The following NDEL1 variants were observed in gnomAD, a reference collection of about 807,000 sequenced individuals.
NDEL1 encodes nudE neurodevelopment protein 1 like 1.
NDEL1 carries 9 observed loss-of-function variants against 45.7 expected under a neutral mutation model. The observed-to-expected ratio is 0.20, with a 90% CI of 0.12 to 0.34. The LOEUF (loss-of-function observed/expected upper bound fraction) is 0.34. NDEL1 is among the 10% of genes least tolerant of loss of function. The probability of loss-of-function intolerance (pLI) is 1.00; values close to 1 mark genes in which losing one functional copy is unlikely to be tolerated. For synonymous variants in NDEL1, 133 were observed against 158.6 expected (o/e 0.84, Z 1.21); for missense variants, 306 against 406.2 (o/e 0.75, Z 2.12).
downstream of NDEL1, among the ~76,000 whole-genome samples, chr17:8,469,206 C>G (rs973857908): frequency 6.6e-6 from 1 of 152,108 alleles, no homozygotes; most frequent in African/African-American, 2.4e-5. Context: ...TCCTAAGCCC[C>G]TTGTTGATGT....
intron 7 of NDEL1, among the ~76,000 whole-genome samples, chr17:8,457,973 T>G (rs1359263560): frequency 1.3e-5 from 2 of 152,240 alleles, no homozygotes; most frequent in Non-Finnish European, 2.9e-5. Context: ...TGGTACATAT[T>G]ACATACTTTA....
intron 6 of NDEL1, among the ~76,000 whole-genome samples, chr17:8,452,366 G>A (rs1910559711): frequency 6.6e-6 from 1 of 152,210 alleles, no homozygotes; most frequent in African/African-American, 2.4e-5. Flanking sequence ...GCCCGTTAGA[G>A]TTTTCATTCA....
intron 1 of NDEL1, among the ~76,000 whole-genome samples, chr17:8,427,784 G>C (rs12601035): frequency 0.36 from 54,928 of 152,042 alleles, 10,091 homozygotes; most frequent in Non-Finnish European, 0.38. Context: ...CTGGTTGAAG[G>C]CTCTGGCATT....
chr17:8,448,288 TATAA>T (rs1179321301), intron 4 of NDEL1, among the ~76,000 whole-genome samples: 1 of 152,216 alleles, frequency 6.6e-6, no homozygotes, highest in Non-Finnish European at 1.5e-5. Flanking sequence ...ACAGTGGAGA[TATAA>T]ATAGTGTAAC....
chr17:8,454,705 T>C (rs1298320059), intron 6 of NDEL1, 91 bp from the exon 7 acceptor site: 2 of 865,398 alleles, frequency 2.3e-6, no homozygotes, highest in Admixed American at 4.3e-5. Flanking sequence ...TGATATTGTA[T>C]TGAGTGTTAC....
At chr17:8,459,848 C>T (rs1911085953) in intron 7 of NDEL1, among the ~76,000 whole-genome samples, 161 bp from the exon 8 acceptor site, 4 of 152,106 alleles carry the variant, frequency 2.6e-5, no homozygotes, top group Admixed American at 1.3e-4. Context: ...ATAAGTATTC[C>T]CCCTTTTTAT....
upstream of NDEL1, among the ~76,000 whole-genome samples, chr17:8,433,302 C>T (rs1909063981): frequency 6.6e-6 from 1 of 152,182 alleles, no homozygotes; most frequent in Non-Finnish European, 1.5e-5. Flanking sequence ...ATTGTTTCTG[C>T]TGTTAATCAT....
At chr17:8,463,831 CGTGT>C (rs1567744271) in intron 8 of NDEL1, among the ~76,000 whole-genome samples, 7 of 152,202 alleles carry the variant, frequency 4.6e-5, no homozygotes. Flanking sequence ...TACATGGGGA[CGTGT>C]GTAAGATCTG....
rs1332533861 is a variant in NDEL1 at position 8,444,370 on chromosome 17, A to G, written c.86+13A>G. ...AGTATAAGCAAAGGTAATGTTGGAA[A>G]GCACACTAAAAGTAGGGGAGGGCAT... On this transcript the variant is annotated intron_variant, in intron 2 of 8. Transcript: ENST00000334527. The G allele has an allele frequency of 1.3e-6, 2 of 1,588,372 alleles. No homozygotes were observed. Among genetic ancestry groups the G allele is most frequent in the South Asian group, 2.2e-5 (2 of 89,628 alleles).
intron 1 of NDEL1, among the ~76,000 whole-genome samples, chr17:8,442,921 A>G (rs539704179): frequency 5.1e-4 from 78 of 151,710 alleles, no homozygotes; most frequent in Non-Finnish European, 9.4e-4. Context: ...GTGGGACTAC[A>G]GGCGCCTGCC....
intron 1 of NDEL1, among the ~76,000 whole-genome samples, chr17:8,420,736 T>C (rs1908688690): frequency 6.6e-6 from 1 of 152,244 alleles, no homozygotes; most frequent in Non-Finnish European, 1.5e-5. Context: ...AAATATAAAA[T>C]ACCTATGAGT....
chr17:8,450,649 T>TA (rs1294390699), intron 5 of NDEL1, 131 bp from the exon 6 acceptor site: 1 of 815,682 alleles, frequency 1.2e-6, no homozygotes, highest in African/African-American at 1.8e-5. Context: ...AAGTTATACT[T>TA]AAATAGGAAA....
At chr17:8,451,105 T>A in intron 6 of NDEL1, 152 bp downstream of exon 6, 1 of 590,916 alleles carries the variant, frequency 1.7e-6, no homozygotes, top group East Asian at 3.4e-5. Flanking sequence ...GGAATTGTTT[T>A]CCTAGGCCAC....
intron 8 of NDEL1, chr17:8,464,361 C>T (rs1192874031): frequency 6.6e-6 from 1 of 152,260 alleles, no homozygotes; most frequent in Non-Finnish European, 1.5e-5. Context: ...TTTGCTGCTC[C>T]CTGAAACTGA....
At chr17:8,416,761 C>T (rs1173286271) in intron 1 of NDEL1, among the ~76,000 whole-genome samples, 1 of 152,052 alleles carries the variant, frequency 6.6e-6, no homozygotes, top group East Asian at 1.9e-4. Flanking sequence ...TCCTCATTTC[C>T]CCTGTACTTG....
intron 7 of NDEL1, among the ~76,000 whole-genome samples, chr17:8,458,201 C>T (rs1447666041): frequency 2.0e-5 from 3 of 151,840 alleles, no homozygotes; most frequent in Non-Finnish European, 4.4e-5. Flanking sequence ...CTTTTCTCTC[C>T]TTCTCTGATG....
chr17:8,426,701 G>A (rs963219749), intron 1 of NDEL1, among the ~76,000 whole-genome samples: 11 of 152,166 alleles, frequency 7.2e-5, no homozygotes, highest in African/African-American at 2.7e-4. Context: ...AGTTAAGGGA[G>A]CCTTCTGGGA....
At chr17:8,451,069 G>A (rs1057128043) in intron 6 of NDEL1, 116 bp downstream of exon 6, 13 of 917,716 alleles carry the variant, frequency 1.4e-5, no homozygotes, top group Non-Finnish European at 2.0e-5. Context: ...AGTTGGTGAA[G>A]TCTAGTGCTA....
chr17:8,434,780 T>C (rs1419430396), upstream of NDEL1, among the ~76,000 whole-genome samples: 4 of 151,660 alleles, frequency 2.6e-5, no homozygotes, highest in East Asian at 5.9e-4. Context: ...ACATTAATAA[T>C]GCAAGATGGG....
Sources: gnomAD v4.1 joint callset for allele counts (sites outside exome capture counted in the v4.1 genomes callset) on GRCh38, gnomAD v4.1.1 for gene constraint, MANE v1.5 for transcripts, NCBI Gene and HGNC (gene_info 2026-07-23, HGNC 2026-07-21) for gene names.